DNM3: variants seen among roughly 807,000 people sequenced by gnomAD.
DNM3 encodes dynamin-3.
In DNM3, 47 loss-of-function variants were observed where a neutral mutation model predicts 101.6. The observed-to-expected ratio is 0.46, with a 90% CI of 0.37 to 0.59. The LOEUF (loss-of-function observed/expected upper bound fraction) is 0.59, where lower values mean the gene tolerates loss of function less well. DNM3 is among the 20% of genes least tolerant of loss of function. The pLI is 0.00. For missense variants in DNM3, 849 were observed against 1,085.7 expected, an observed-to-expected ratio of 0.78 and a Z score of 3.06; for synonymous variants, 385 against 387.9, an observed-to-expected ratio of 0.99 and a Z score of 0.09.
Position 172,157,366 on chromosome 1 carries a change from G to A in DNM3, c.1659+26078G>A, listed in dbSNP as rs540810412. On this transcript the variant is annotated intron_variant, in intron 14 of 20. Transcript: ENST00000627582. ...ATAGAGAGCAGCTATAAATATGTAT[G>A]GCCTGGTTCTTAACAGGCCAAGGAC... Among the ~76,000 whole-genome samples the A allele has an allele frequency of 3.3e-5, 5 of 152,154 alleles. No homozygotes were observed. In the East Asian group the frequency reaches 9.7e-4, roughly 29 times the overall value.
chr1:172,401,760 T>C (rs1448859744), intron 20 of DNM3, among the ~76,000 whole-genome samples: 1 of 152,208 alleles, frequency 6.6e-6, no homozygotes, highest in Non-Finnish European at 1.5e-5. Context: ...AAAAATATGC[T>C]GAATAGCACC....
chr1:172,284,435 A>G (rs1374394652), intron 15 of DNM3, among the ~76,000 whole-genome samples: 1 of 152,210 alleles, frequency 6.6e-6, no homozygotes, highest in African/African-American at 2.4e-5. Flanking sequence ...CCTTCTTAGC[A>G]ATCCATTTAC....
chr1:171,938,807 T>G (rs764233565), intron 2 of DNM3, among the ~76,000 whole-genome samples: 2 of 152,192 alleles, frequency 1.3e-5, no homozygotes, highest in African/African-American at 2.4e-5. Context: ...TTCTGAAATC[T>G]TATAAGCCTT....
At chr1:172,154,035 G>A (rs1161059994) in intron 14 of DNM3, among the ~76,000 whole-genome samples, 1 of 151,966 alleles carries the variant, frequency 6.6e-6, no homozygotes, top group African/African-American at 2.4e-5. Flanking sequence ...CGTTGCTTGT[G>A]ACCTGCTGAT....
chr1:172,368,020 C>T (rs764331232), intron 17 of DNM3, among the ~76,000 whole-genome samples: 5 of 151,774 alleles, frequency 3.3e-5, no homozygotes, highest in Non-Finnish European at 7.4e-5. Flanking sequence ...TGAGGAGGGA[C>T]ATATTTGCGT....
Position 172,011,364 on chromosome 1 carries a change from C to A in DNM3, c.590-21038C>A, listed in dbSNP as rs151013443. Among the ~76,000 whole-genome samples the A allele has an allele frequency of 3.0e-3, 460 of 151,968 alleles. 2 individuals are homozygous for A. Among genetic ancestry groups the A allele is most frequent in the Middle Eastern group, 0.027 (8 of 292 alleles). On this transcript the variant is annotated intron_variant, in intron 4 of 20. Coordinates refer to ENST00000627582, the MANE Select transcript of DNM3 (RefSeq NM_015569.5). ...TGGATTTAAAAAAGACATAATGGGACCCCTATGAAAATTTCTGGACCTCCT... is the reference window on the plus strand; with the variant it reads ...TGGATTTAAAAAAGACATAATGGGAACCCTATGAAAATTTCTGGACCTCCT...
At chr1:172,030,230 C>A (rs973232960) in intron 4 of DNM3, among the ~76,000 whole-genome samples, 2 of 152,076 alleles carry the variant, frequency 1.3e-5, no homozygotes, top group Non-Finnish European at 2.9e-5. Flanking sequence ...TGAAACAGAA[C>A]AGAGGCCTCA....
chr1:172,193,019 T>C (rs490006), intron 14 of DNM3, among the ~76,000 whole-genome samples: 74,420 of 150,008 alleles, frequency 0.5, 20,473 homozygotes, highest in African/African-American at 0.74. Context: ...CCAATTTCTC[T>C]ACATCCTCTC....
chr1:172,047,742 G>A (rs2049917793), intron 9 of DNM3, among the ~76,000 whole-genome samples: 1 of 152,106 alleles, frequency 6.6e-6, no homozygotes, highest in Admixed American at 6.6e-5. Flanking sequence ...GGGAAGTGTT[G>A]AAAAGATTTT....
chr1:172,240,279 G>A (rs2148646572), intron 14 of DNM3, among the ~76,000 whole-genome samples: 1 of 152,236 alleles, frequency 6.6e-6, no homozygotes, highest in South Asian at 2.1e-4. Flanking sequence ...GAATGCTCAG[G>A]CCCTTTGCTT....
chr1:172,134,995 C>A (rs1022417920), intron 14 of DNM3, among the ~76,000 whole-genome samples: 7 of 152,048 alleles, frequency 4.6e-5, no homozygotes, highest in Non-Finnish European at 8.8e-5. Context: ...TTACTGATTC[C>A]TTTGGTTGCC....
chr1:172,265,180 T>A (rs981312301), intron 15 of DNM3, among the ~76,000 whole-genome samples: 8 of 152,004 alleles, frequency 5.3e-5, no homozygotes, highest in Non-Finnish European at 1.0e-4. Context: ...TTCCACTATA[T>A]AAACTTTAAA....
chr1:171,943,741 T>G (rs2041970025), intron 2 of DNM3, among the ~76,000 whole-genome samples: 1 of 152,216 alleles, frequency 6.6e-6, no homozygotes, highest in African/African-American at 2.4e-5. Flanking sequence ...CTGACCACCT[T>G]GGGCACATGT....
chr1:172,127,385 C>CTTTATTA (rs141905093), intron 13 of DNM3, among the ~76,000 whole-genome samples: 3 of 137,672 alleles, frequency 2.2e-5, no homozygotes, highest in African/African-American at 8.1e-5. Context: ...TTACTCTCTA[C>CTTTATTA]TTATTATTAT....
At chr1:172,383,196 C>T (rs1292191767) in intron 18 of DNM3, among the ~76,000 whole-genome samples, 2 of 152,148 alleles carry the variant, frequency 1.3e-5, no homozygotes, top group African/African-American at 4.8e-5. Flanking sequence ...CATTGCTCCC[C>T]GCCAAGGCTA....
chr1:171,851,148 T>G (rs2032907166), intron 1 of DNM3, among the ~76,000 whole-genome samples: 1 of 152,180 alleles, frequency 6.6e-6, no homozygotes, highest in South Asian at 2.1e-4. Flanking sequence ...TAGAGGCCCC[T>G]CCTTGGTGGC....
intron 2 of DNM3, among the ~76,000 whole-genome samples, chr1:171,977,206 C>CCTTGAGTACCCAA (rs2044440692): frequency 6.6e-6 from 1 of 152,134 alleles, no homozygotes; most frequent in Non-Finnish European, 1.5e-5. Flanking sequence ...CAAAAAAGAG[C>CCTTGAGTACCCAA]CTTGAGTACC....
At position 172,347,772 on chromosome 1, in the gene DNM3, G is replaced by A. The variant is rs575385511; in HGVS notation, c.1893+24432G>A. Among the ~76,000 whole-genome samples the A allele has an allele frequency of 3.3e-5, 5 of 152,198 alleles. No individual in the cohort carries two copies. The South Asian group carries it at 6.2e-4, about 19-fold the overall frequency. On this transcript the variant is annotated intron_variant, in intron 17 of 20. Coordinates refer to ENST00000627582, the MANE Select transcript of DNM3 (RefSeq NM_015569.5). Reference sequence around the variant, plus strand: ...AGTATTCAAAGACGACTAACAGAACGTTCATAACAGCACTGTTTGTAATAG... The same window carrying A: ...AGTATTCAAAGACGACTAACAGAACATTCATAACAGCACTGTTTGTAATAG...
At chr1:171,881,417 G>GA (rs2036257444) in intron 1 of DNM3, among the ~76,000 whole-genome samples, 1 of 152,152 alleles carries the variant, frequency 6.6e-6, no homozygotes, top group Admixed American at 6.5e-5. Context: ...ATTTAATTAT[G>GA]AAAATTCTCC....
Sources: gnomAD v4.1 joint callset for allele counts (sites outside exome capture counted in the v4.1 genomes callset) on GRCh38, gnomAD v4.1.1 for gene constraint, MANE v1.5 for transcripts, NCBI Gene and HGNC (gene_info 2026-07-23, HGNC 2026-07-21) for gene names.